Variants in NOD1 observed in about 807,000 individuals in gnomAD.
NOD1 encodes the protein nucleotide-binding oligomerization domain-containing protein 1.
NOD1 carries 70 observed loss-of-function variants against 81.2 expected under a neutral mutation model. That is an observed-to-expected ratio of 0.86 (90% CI 0.71 to 1.05). The LOEUF is 1.05. Among genes scored for constraint, NOD1 ranks in the 50% least tolerant of loss-of-function variants. The pLI is 0.00. For missense variants in NOD1, 1,233 were observed against 1,228.0 expected (o/e 1.00, Z -0.06); for synonymous variants, 508 against 526.9 (o/e 0.96, Z 0.49).
intron 1 of NOD1, chr7:30,469,023 C>T (rs906091225): frequency 7.8e-5 from 77 of 985,434 alleles, no homozygotes; most frequent in Admixed American, 3.7e-4. Context: ...TACACAGCTT[C>T]GACAGAGCTG....
rs1355669634 is a variant in NOD1, at chr7:30,452,744, C to T, written c.673G>A (p.Asp225Asn). The T allele has an allele frequency of 6.2e-7, 1 of 1,613,912 alleles. No homozygotes were observed. The highest frequency in any genetic ancestry group is 1.3e-5 in the African/African-American group (1 of 74,950). The change falls in exon 6 of 14, where the codon GAC becomes AAC. Residue 225 changes from aspartate (D) to asparagine (N), a missense_variant. Physicochemically the swap from Asp to Asn is conservative, Grantham distance 23. Coordinates refer to ENST00000222823, the MANE Select transcript of NOD1 (RefSeq NM_006092.4). Reference protein sequence around the residue: ...LQSLWATGRLDAGVKFFFHFR... With the variant: ...LQSLWATGRLNAGVKFFFHFR... The stretch of plus-strand genomic sequence containing the variant: ...TGGAAGAAGAATTTGACCCCTGCGT[C>T]TAGCCGGCCCGTGGCCCAGAGGCTC...
At position 30,452,519 on chromosome 7, in the gene NOD1, C is replaced by T; in HGVS notation, c.898G>A (p.Asp300Asn). The T allele has an allele frequency of 1.2e-6, 2 of 1,613,124 alleles. No individual in the cohort carries two copies. ...HSDLDLSRVP[D>N]SSCPWEPAHP... ...GCAGGCTCCCAGGGGCAGGAGCTGT[C>T]AGGCACGCGGCTCAGGTCCAAGTCC... Residue 300 changes from aspartate (D) to asparagine (N), a missense_variant, in exon 6 of 14, where the codon GAC (aspartate) becomes AAC (asparagine). Coordinates refer to ENST00000222823, the MANE Select transcript of NOD1 (RefSeq NM_006092.4).
At chr7:30,447,206 T>C (rs1785201908) in intron 7 of NOD1, 156 bp from the exon 8 acceptor site, 1 of 1,288,728 alleles carries the variant, frequency 7.8e-7, no homozygotes, top group Non-Finnish European at 1.1e-6. Flanking sequence ...GTCTCACAGC[T>C]CAGGTTCAAA....
chr7:30,477,538 G>C (rs1788907451), intron 1 of NOD1, among the ~76,000 whole-genome samples: 1 of 152,120 alleles, frequency 6.6e-6, no homozygotes, highest in Non-Finnish European at 1.5e-5. Context: ...GTTTTTGACG[G>C]AGTTTTGCTC....
Position 30,446,095 on chromosome 7 carries a change from C to A in NOD1, c.2453+46G>T, listed in dbSNP as rs765756395. On this transcript the variant is annotated intron_variant, in intron 9 of 13. Coordinates refer to ENST00000222823, the MANE Select transcript of NOD1 (RefSeq NM_006092.4). The stretch of plus-strand genomic sequence containing the variant: ...AAAGAACAGCAAGGCCCGCCCCCCA[C>A]ACACACAGCAGGTTGTACCACATAC... The A allele has an allele frequency of 4.9e-6, 7 of 1,435,562 alleles. No individual in the cohort carries two copies. In the African/African-American group the frequency reaches 9.8e-5, roughly 20 times the overall value. The allele number at this position is 1,435,562 out of a possible 1,614,324, so 88.9% of individuals were successfully genotyped here.
intron 1 of NOD1, among the ~76,000 whole-genome samples, chr7:30,461,761 C>T (rs938862582): frequency 2.6e-5 from 4 of 151,832 alleles, no homozygotes; most frequent in Admixed American, 6.5e-5. Flanking sequence ...GTTGTTGAGA[C>T]GGAGTCTCGC....
chr7:30,458,303 G>C (rs1786613371), intron 3 of NOD1, among the ~76,000 whole-genome samples: 1 of 152,114 alleles, frequency 6.6e-6, no homozygotes, highest in Admixed American at 6.5e-5. Flanking sequence ...CTTGGAAGTG[G>C]AAAGGCCTGG....
At chr7:30,455,753 C>A (rs1293310168) in intron 4 of NOD1, among the ~76,000 whole-genome samples, 1 of 152,166 alleles carries the variant, frequency 6.6e-6, no homozygotes, top group Non-Finnish European at 1.5e-5. Flanking sequence ...AGGCACCCAC[C>A]ACCATGCCCG....
chr7:30,458,737 TTTC>T (rs1039842814), intron 3 of NOD1, among the ~76,000 whole-genome samples: 5 of 142,748 alleles, frequency 3.5e-5, no homozygotes, highest in African/African-American at 1.0e-4. Context: ...AATCCAGCCT[TTTC>T]TTTTTTTTTT....
intron 1 of NOD1, among the ~76,000 whole-genome samples, chr7:30,464,800 A>G (rs1583851225): frequency 6.6e-6 from 1 of 152,350 alleles, no homozygotes; most frequent in African/African-American, 2.4e-5. Flanking sequence ...CCTCAAGGTA[A>G]GAGTTCCACC....
chr7:30,437,500 A>C (rs1784481812), intron 10 of NOD1, 73 bp downstream of exon 10: 17 of 955,420 alleles, frequency 1.8e-5, no homozygotes, highest in Non-Finnish European at 2.5e-5. Flanking sequence ...AGCACGAATC[A>C]CCCTTCCCCA....
intron 6 of NOD1, among the ~76,000 whole-genome samples, chr7:30,450,775 A>G (rs1230478553): frequency 6.6e-6 from 1 of 152,216 alleles, no homozygotes; most frequent in Non-Finnish European, 1.5e-5. Context: ...GAGCTGTGTG[A>G]CCTAAAGCAA....
At position 30,469,631 on chromosome 7, in the gene NOD1, ATCT is replaced by A. The variant is rs1341401260; in HGVS notation, c.-352+8972_-352+8974del. ...GCCCCCACATCTCTCAGAGCCAAAC[ATCT>A]TCTTCTGGTCAGGAAACCCTGTTCA... On this transcript the variant is annotated intron_variant, in intron 1 of 13. Coordinates refer to ENST00000222823, the MANE Select transcript of NOD1 (RefSeq NM_006092.4). 5.3e-5 allele frequency among the ~76,000 whole-genome samples: 8 copies of A among 151,088 alleles called. No homozygotes were observed. The East Asian group carries it at 9.7e-4, about 18-fold the overall frequency.
chr7:30,475,762 G>C (rs1372839133), intron 1 of NOD1: 2 of 152,234 alleles, frequency 1.3e-5, no homozygotes, highest in Non-Finnish European at 2.9e-5. Flanking sequence ...GTTTAAATAA[G>C]AGTTCAAGCC....
Position 30,467,576 on chromosome 7 carries a change from G to A in NOD1, c.-351-7535C>T, listed in dbSNP as rs750712019. ...TCATTAAGACCAAACAAACTCAGAT[G>A]AGATGTTAAGACTTTCTGTGCACCT... On this transcript the variant is annotated intron_variant, in intron 1 of 13. Coordinates refer to ENST00000222823, the MANE Select transcript of NOD1 (RefSeq NM_006092.4). This position sits in a 1 kb window ranked among gnomAD's most constrained non-coding sequence, Gnocchi z 4.5. Among the ~76,000 whole-genome samples the A allele has an allele frequency of 5.3e-5, 8 of 152,290 alleles. No individual in the cohort carries two copies. Among genetic ancestry groups the A allele is most frequent in the Middle Eastern group, 3.4e-3 (1 of 294 alleles).
chr7:30,432,587 G>C (rs1784041197), intron 12 of NOD1, among the ~76,000 whole-genome samples: 1 of 152,138 alleles, frequency 6.6e-6, no homozygotes, highest in Non-Finnish European at 1.5e-5. Context: ...TCTATTCCCA[G>C]GTATATTCCC....
chr7:30,439,415 G>A (rs930840437), intron 9 of NOD1, among the ~76,000 whole-genome samples: 6 of 141,146 alleles, frequency 4.3e-5, no homozygotes, highest in East Asian at 4.1e-4. Context: ...TGCGCGAGCC[G>A]AAGCAGGGCG....
Position 30,451,725 on chromosome 7 carries a change from C to A in NOD1, c.1692G>T (p.Pro564=), listed in dbSNP as rs1467583590. The change falls in exon 6 of 14, where the codon CCG becomes CCT. Residue 564 remains proline, a synonymous_variant. Coordinates refer to ENST00000222823, the MANE Select transcript of NOD1 (RefSeq NM_006092.4). The surrounding 1 kb of genome is among the most constrained non-coding windows in gnomAD (Gnocchi z 4.2). The part of the protein sequence containing the change: ...ATTSCYPPFL[P]FQCLQGSGPA... ...GACCACTGCCCTGCAGGCACTGGAA[C>A]GGGAGGAAGGGAGGATAGCAGGACG... The A allele has an allele frequency of 6.2e-7, 1 of 1,613,540 alleles. No homozygotes were observed. The highest frequency in any genetic ancestry group is 1.7e-5 in the Admixed American group (1 of 60,008).
intron 3 of NOD1, among the ~76,000 whole-genome samples, chr7:30,457,243 G>A (rs1370651059): frequency 6.6e-6 from 1 of 152,138 alleles, no homozygotes; most frequent in African/African-American, 2.4e-5. Context: ...AGTAAGGCCA[G>A]TAGTTTGAGA....
Sources: gnomAD v4.1 joint callset for allele counts (sites outside exome capture counted in the v4.1 genomes callset) on GRCh38, gnomAD v4.1.1 for gene constraint, Gnocchi (gnomAD v3.1) non-coding constraint, MANE v1.5 for transcripts, NCBI Gene and HGNC (gene_info 2026-07-23, HGNC 2026-07-21) for gene names.